The following AGFG1 variants were observed in gnomAD, a reference collection of about 807,000 sequenced individuals.
The protein encoded by AGFG1 is arf-GAP domain and FG repeat-containing protein 1.
In AGFG1, 10 loss-of-function variants were observed where a neutral mutation model predicts 60.6. That is an observed-to-expected ratio of 0.16 (90% CI 0.10 to 0.28). AGFG1 has a LOEUF of 0.28. AGFG1 is among the 10% of genes least tolerant of loss of function. The pLI is 1.00. For synonymous variants in AGFG1, 247 were observed against 242.9 expected, an observed-to-expected ratio of 1.02 and a Z score of -0.16; for missense variants, 537 against 676.5, an observed-to-expected ratio of 0.79 and a Z score of 2.29.
chr2:227,548,406 TG>T (rs1051252849), intron 10 of AGFG1, among the ~76,000 whole-genome samples: 1 of 152,136 alleles, frequency 6.6e-6, no homozygotes, highest in Non-Finnish European at 1.5e-5. Flanking sequence ...GACCAGAGCT[TG>T]GGGGGCATCT....
At chr2:227,530,788 A>C (rs964776286) in intron 5 of AGFG1, among the ~76,000 whole-genome samples, 1 of 152,152 alleles carries the variant, frequency 6.6e-6, no homozygotes, top group Non-Finnish European at 1.5e-5. Flanking sequence ...CAGTACTCTG[A>C]AATAGTTTCC....
chr2:227,510,750 C>G (rs1691473413), intron 2 of AGFG1: 1 of 152,090 alleles, frequency 6.6e-6, no homozygotes, highest in Admixed American at 6.6e-5. Flanking sequence ...TGTTAGAGAC[C>G]TTAAGTGAAA....
chr2:227,538,097 C>G lies in AGFG1; in HGVS notation c.1378+1104C>G, dbSNP rs529177830. Reference sequence around the variant, plus strand: ...TGATTGTTTTAAATTTCCATTTGTACAATTTATCAGGTGTGTGATATGTGC... The same window carrying G: ...TGATTGTTTTAAATTTCCATTTGTAGAATTTATCAGGTGTGTGATATGTGC... On this transcript the variant is annotated intron_variant, in intron 10 of 12. Transcript: ENST00000310078. 2.0e-4 allele frequency among the ~76,000 whole-genome samples: 30 copies of G among 152,216 alleles called. No individual in the cohort carries two copies. In the East Asian group the frequency reaches 5.8e-3, roughly 29 times the overall value.
At chr2:227,526,136 C>G (rs1026813093) in intron 5 of AGFG1, among the ~76,000 whole-genome samples, 1 of 152,076 alleles carries the variant, frequency 6.6e-6, no homozygotes, top group African/African-American at 2.4e-5. Context: ...CTTAGTAGTA[C>G]TCAAATTAGC....
rs566236643 is a variant in AGFG1 at position 227,555,500 on chromosome 2, T to C, written c.*1005T>C. ...TTAAAAAAAATTGTCTTTGAATGTA[T>C]TGGAAGTAGACATGCATTAACTGTG... On this transcript the variant is annotated 3_prime_UTR_variant, in exon 13 of 13. Transcript: ENST00000310078. 6.5e-6 allele frequency: 1 copy of C among 152,730 alleles called. No individual in the cohort carries two copies. Among genetic ancestry groups the C allele is most frequent in the Non-Finnish European group, 1.5e-5 (1 of 68,008 alleles). 9.5% of individuals were successfully genotyped at this position (152,730 alleles called of 1,614,324 possible).
At chr2:227,527,447 T>G (rs1393177233) in intron 5 of AGFG1, among the ~76,000 whole-genome samples, 2 of 152,262 alleles carry the variant, frequency 1.3e-5, no homozygotes, top group East Asian at 3.8e-4. Flanking sequence ...CAAGTTTTTA[T>G]GCTGTTTTAA....
Position 227,554,649 on chromosome 2 carries a change from T to A in AGFG1, c.*154T>A. On this transcript the variant is annotated 3_prime_UTR_variant, in exon 13 of 13. Transcript: ENST00000310078. ...TGTGTATTAAACACCAGGTAATATG[T>A]GCAAAACCGAGGGCTCCAGTAACAC... The A allele has an allele frequency of 1.7e-6, 1 of 597,070 alleles. No homozygotes were observed. The highest frequency in any genetic ancestry group is 2.9e-6 in the Non-Finnish European group (1 of 349,734). 37.0% of individuals were successfully genotyped at this position (597,070 alleles called of 1,614,324 possible).
chr2:227,526,626 T>A (rs1692003983), intron 5 of AGFG1, among the ~76,000 whole-genome samples: 1 of 143,746 alleles, frequency 7.0e-6, no homozygotes, highest in Non-Finnish European at 1.5e-5. Context: ...TACCGCAACC[T>A]CTGCCTCCCG....
At chr2:227,480,847 T>C (rs1167622544) in intron 1 of AGFG1, among the ~76,000 whole-genome samples, 1 of 152,230 alleles carries the variant, frequency 6.6e-6, no homozygotes, top group Non-Finnish European at 1.5e-5. Context: ...TCTGCCTTCT[T>C]TTTAAAAATT....
intron 6 of AGFG1, among the ~76,000 whole-genome samples, chr2:227,531,860 GA>G (rs1692171272): frequency 6.6e-6 from 1 of 152,100 alleles, no homozygotes; most frequent in Non-Finnish European, 1.5e-5. Context: ...ACAAGCCTGA[GA>G]AAAATTTTTA....
In AGFG1 at chr2:227,508,551, G is replaced by A. The variant is rs116638592; in HGVS notation, c.262-11397G>A. 1.3e-3 allele frequency: 624 copies of A among 462,326 alleles called. 3 individuals are homozygous for A. The highest frequency in any genetic ancestry group is 0.012 in the African/African-American group (578 of 49,564). The allele number at this position is 462,326 out of a possible 1,614,324, so 28.6% of individuals were successfully genotyped here. ...GTACATCTATATGTGAGGTAGGGAG[G>A]CAAGAACACACCTTTGGTTAATTTT... On this transcript the variant is annotated intron_variant, in intron 2 of 12. Coordinates refer to ENST00000310078, the MANE Select transcript of AGFG1 (RefSeq NM_004504.5).
At chr2:227,474,629 G>A (rs1169465197) in intron 1 of AGFG1, among the ~76,000 whole-genome samples, 3 of 152,204 alleles carry the variant, frequency 2.0e-5, no homozygotes, top group African/African-American at 4.8e-5. Flanking sequence ...AGCGTGCCTT[G>A]TAAGTATGTA....
chr2:227,527,835 T>C (rs1382700333), intron 5 of AGFG1, among the ~76,000 whole-genome samples: 1 of 152,232 alleles, frequency 6.6e-6, no homozygotes, highest in African/African-American at 2.4e-5. Context: ...GTAAGTTAAA[T>C]TATGGACAAG....
intron 2 of AGFG1, 111 bp downstream of exon 2, chr2:227,491,751 T>C (rs1027515698): frequency 1.7e-6 from 1 of 572,642 alleles, no homozygotes; most frequent in Non-Finnish European, 2.9e-6. Context: ...AAATAAGTTA[T>C]TTTTGTATTT....
At chr2:227,506,824 G>C (rs1400109667) in intron 2 of AGFG1, among the ~76,000 whole-genome samples, 2 of 152,044 alleles carry the variant, frequency 1.3e-5, no homozygotes, top group Admixed American at 6.6e-5. Context: ...TGCTAACCAA[G>C]TCATTTATTC....
intron 6 of AGFG1, 76 bp from the exon 7 acceptor site, chr2:227,533,473 G>A: frequency 7.9e-7 from 1 of 1,259,798 alleles, no homozygotes; most frequent in Non-Finnish European, 1.1e-6. Flanking sequence ...AATTTAGGAA[G>A]AAATGATCAT....
intron 11 of AGFG1, 78 bp downstream of exon 11, chr2:227,552,195 G>T: frequency 2.0e-6 from 3 of 1,533,890 alleles, no homozygotes; most frequent in South Asian, 2.5e-5. Flanking sequence ...GCTTGGGCAG[G>T]AAGACTTTTC....
intron 1 of AGFG1, among the ~76,000 whole-genome samples, chr2:227,474,197 T>C (rs1184141255): frequency 2.6e-5 from 4 of 152,234 alleles, no homozygotes; most frequent in Admixed American, 2.6e-4. Flanking sequence ...GTTACTTACG[T>C]TGGACAATAT....
At position 227,523,879 on chromosome 2, in the gene AGFG1, G is replaced by A; in HGVS notation, c.494G>A (p.Gly165Glu). ...GTCAAACCACTGAAATCTCTTTTAG[G>A]GGATTCTGCACCAACACTGCACTTA... ...PEVKPLKSLL[G>E]DSAPTLHLNK... The change falls in exon 4 of 13, where the codon GGG becomes GAG. Residue 165 changes from glycine (G) to glutamate (E), a missense_variant. Physicochemically the swap from Gly to Glu is moderately conservative, Grantham distance 98. This residue lies in a region of AGFG1 where 102 missense variants were observed against 82.9 expected (regional missense o/e 1.23). Transcript: ENST00000310078. 1 of 1,613,768 alleles carries A rather than the reference G, an allele frequency of 6.2e-7. No individual in the cohort carries two copies. The highest frequency in any genetic ancestry group is 8.5e-7 in the Non-Finnish European group (1 of 1,179,916).
Sources: allele counts gnomAD v4.1 joint callset (sites outside exome capture counted in the v4.1 genomes callset), GRCh38; gene constraint gnomAD v4.1.1; regional missense constraint gnomAD v4.1.1; transcripts MANE v1.5; gene names NCBI Gene and HGNC (gene_info 2026-07-23, HGNC 2026-07-21).